AVEN: variants seen among roughly 807,000 people sequenced by gnomAD.
The protein encoded by AVEN is apoptosis and caspase activation inhibitor.
AVEN carries 41 observed loss-of-function variants against 38.1 expected under a neutral mutation model. That is an observed-to-expected ratio of 1.08 (90% confidence interval 0.84 to 1.40). The LOEUF (loss-of-function observed/expected upper bound fraction) is 1.40. AVEN is among the 40% of genes most tolerant of loss of function. The probability of loss-of-function intolerance (pLI) is 0.00; values close to 1 mark genes in which losing one functional copy is unlikely to be tolerated. For synonymous variants in AVEN, 206 were observed against 171.8 expected, an observed-to-expected ratio of 1.20 and a Z score of -1.56; for missense variants, 605 against 438.8, an observed-to-expected ratio of 1.38 and a Z score of -3.38.
chr15:33,956,179 C>T (rs539339129), intron 2 of AVEN, among the ~76,000 whole-genome samples: 21 of 152,246 alleles, frequency 1.4e-4, no homozygotes, highest in African/African-American at 5.1e-4. Flanking sequence ...CACTAGAGCG[C>T]CAGCTGTCGC....
At chr15:33,864,219 T>TCTTTCTG, downstream of AVEN, 1 of 1,557,570 alleles carries the variant, frequency 6.4e-7, no homozygotes, top group African/African-American at 1.4e-5. Flanking sequence ...ATACCCGTGT[T>TCTTTCTG]AGATCTCCCT....
chr15:33,874,033 G>A (rs543826375), intron 3 of AVEN, among the ~76,000 whole-genome samples: 3 of 151,972 alleles, frequency 2.0e-5, no homozygotes, highest in African/African-American at 4.8e-5. Flanking sequence ...CATCTCATCC[G>A]TTCAATCCCT....
the AVEN span, chr15:33,853,668 TTCTCTGGTG>T: frequency 6.2e-7 from 1 of 1,613,736 alleles, no homozygotes; most frequent in Non-Finnish European, 8.5e-7. Flanking sequence ...CAGAAGCGGC[TTCTCTGGTG>T]TCATGGTACA....
downstream of AVEN, among the ~76,000 whole-genome samples, chr15:33,863,212 G>C (rs965613787): frequency 6.6e-6 from 1 of 152,180 alleles, no homozygotes; most frequent in Non-Finnish European, 1.5e-5. Flanking sequence ...ACCTAAAATG[G>C]TGCTTTGTTA....
intron 2 of AVEN, among the ~76,000 whole-genome samples, chr15:33,902,271 C>T (rs1353410834): frequency 6.6e-6 from 1 of 152,106 alleles, no homozygotes; most frequent in African/African-American, 2.4e-5. Flanking sequence ...GTATGCATGG[C>T]TAGTTTAACA....
At chr15:34,035,625 A>C (rs1442894948) in intron 1 of AVEN, among the ~76,000 whole-genome samples, 2 of 152,130 alleles carry the variant, frequency 1.3e-5, no homozygotes, top group East Asian at 3.9e-4. Context: ...TATATTAAGT[A>C]CTCGACAAAT....
chr15:33,928,346 A>C (rs2153049905), intron 2 of AVEN, among the ~76,000 whole-genome samples: 1 of 152,316 alleles, frequency 6.6e-6, no homozygotes, highest in African/African-American at 2.4e-5. Flanking sequence ...GGGATTCCTA[A>C]ATTTGACAAC....
At chr15:33,870,901 T>A in intron 4 of AVEN, 34 bp downstream of exon 4, 1 of 1,537,458 alleles carries the variant, frequency 6.5e-7, no homozygotes. Flanking sequence ...CCTGCCCTAA[T>A]CCACCCGCTT....
At chr15:34,010,957 A>G (rs993170986) in intron 1 of AVEN, among the ~76,000 whole-genome samples, 4 of 152,210 alleles carry the variant, frequency 2.6e-5, no homozygotes, top group Non-Finnish European at 4.4e-5. Context: ...CTATTAAAAA[A>G]CATTATCTTT....
chr15:33,929,870 C>G (rs1194350886), intron 2 of AVEN, among the ~76,000 whole-genome samples: 1 of 152,116 alleles, frequency 6.6e-6, no homozygotes, highest in African/African-American at 2.4e-5. Flanking sequence ...TCAGAACAAA[C>G]AGGGGCATAA....
At chr15:33,948,246 G>A (rs911205631) in intron 2 of AVEN, among the ~76,000 whole-genome samples, 3 of 151,902 alleles carry the variant, frequency 2.0e-5, no homozygotes, top group Admixed American at 6.6e-5. Context: ...ACAGGCACCC[G>A]CCACCACGCC....
chr15:33,959,365 G>A (rs1397051597), intron 2 of AVEN, among the ~76,000 whole-genome samples: 1 of 152,092 alleles, frequency 6.6e-6, no homozygotes. Context: ...CCCTGCTTAT[G>A]ACCTTTCAAT....
chr15:33,935,867 G>C (rs961662069), intron 2 of AVEN, among the ~76,000 whole-genome samples: 6 of 152,096 alleles, frequency 3.9e-5, no homozygotes, highest in African/African-American at 1.4e-4. Context: ...TTAAGACCGA[G>C]AGGACTCCTT....
intron 1 of AVEN, among the ~76,000 whole-genome samples, chr15:34,033,799 T>C (rs1294931754): frequency 1.3e-5 from 2 of 152,178 alleles, no homozygotes; most frequent in Non-Finnish European, 2.9e-5. Flanking sequence ...TTTTTTGTTT[T>C]TTGTTTTGAG....
intron 2 of AVEN, among the ~76,000 whole-genome samples, chr15:33,877,474 T>C (rs879029554): frequency 2.6e-5 from 4 of 152,156 alleles, no homozygotes; most frequent in African/African-American, 7.2e-5. Context: ...ATAAAACTTA[T>C]CTTAAAAAAT....
At chr15:33,978,721 G>C (rs1408180473) in intron 2 of AVEN, among the ~76,000 whole-genome samples, 1 of 151,896 alleles carries the variant, frequency 6.6e-6, no homozygotes. Context: ...GTACAAATTC[G>C]TCCCCAGGCA....
intron 2 of AVEN, among the ~76,000 whole-genome samples, chr15:33,975,945 G>T (rs1233700150): frequency 6.6e-6 from 1 of 151,892 alleles, no homozygotes; most frequent in African/African-American, 2.4e-5. Flanking sequence ...GAAAAGAAAA[G>T]AAAGAAATAC....
At chr15:34,043,105 G>C (rs1567485716), upstream of AVEN, among the ~76,000 whole-genome samples, 1 of 152,054 alleles carries the variant, frequency 6.6e-6, no homozygotes. Flanking sequence ...AAATTAGCCA[G>C]GCATGGTGAC....
intron 1 of AVEN, among the ~76,000 whole-genome samples, chr15:34,022,186 T>C (rs1898231615): frequency 6.6e-6 from 1 of 152,218 alleles, no homozygotes; most frequent in Admixed American, 6.5e-5. Context: ...AGACATCAAA[T>C]GAATGGCATC....
Sources: gnomAD v4.1 joint callset for allele counts (sites outside exome capture counted in the v4.1 genomes callset) on GRCh38, gnomAD v4.1.1 for gene constraint, MANE v1.5 for transcripts, NCBI Gene and HGNC (gene_info 2026-07-23, HGNC 2026-07-21) for gene names.